LEKR1: variants seen among roughly 807,000 people sequenced by gnomAD.
The protein encoded by LEKR1 is leucine, glutamate and lysine rich 1.
A neutral mutation model predicts 72.4 loss-of-function variants in LEKR1; 59 were observed. That is an observed-to-expected ratio of 0.82 (90% CI 0.66 to 1.01). The LOEUF is 1.01. Among genes scored for constraint, LEKR1 ranks in the 50% least tolerant of loss-of-function variants. The pLI, the probability that LEKR1 is intolerant of heterozygous loss-of-function variation, is 0.00. For synonymous variants in LEKR1, 257 were observed against 263.2 expected (o/e 0.98, Z 0.23); for missense variants, 728 against 759.2 (o/e 0.96, Z 0.48).
chr3:157,029,446 G>A (rs1352283348), intron 12 of LEKR1, among the ~76,000 whole-genome samples: 2 of 152,104 alleles, frequency 1.3e-5, no homozygotes, highest in African/African-American at 2.4e-5. Flanking sequence ...ACAGTTTGGT[G>A]GAGCCAAGAT....
At chr3:156,928,362 T>TG (rs1215521458) in intron 5 of LEKR1, among the ~76,000 whole-genome samples, 14 of 151,980 alleles carry the variant, frequency 9.2e-5, no homozygotes, top group Admixed American at 5.2e-4. Context: ...GTGTCCCTAG[T>TG]GGGGGAGCTT....
intron 12 of LEKR1, among the ~76,000 whole-genome samples, chr3:157,032,230 C>T (rs373657452): frequency 5.3e-5 from 8 of 152,228 alleles, no homozygotes; most frequent in Admixed American, 2.0e-4. Context: ...CCCCCTATTA[C>T]GGACCTTGTT....
intron 11 of LEKR1, among the ~76,000 whole-genome samples, chr3:157,026,359 G>T (rs1463056230): frequency 6.6e-6 from 1 of 152,164 alleles, no homozygotes; most frequent in Non-Finnish European, 1.5e-5. Flanking sequence ...CTTAAGAGAA[G>T]TCATAAATCC....
At chr3:156,938,886 CTCACAGGACTAATA>C (rs1396779549) in intron 5 of LEKR1, among the ~76,000 whole-genome samples, 7 of 152,072 alleles carry the variant, frequency 4.6e-5, no homozygotes, top group Non-Finnish European at 8.8e-5. Context: ...TTTGCCTAAG[CTCACAGGACTAATA>C]ACAAAACAAA....
At chr3:156,908,424 T>C (rs1171648024) in intron 3 of LEKR1, among the ~76,000 whole-genome samples, 9 of 152,200 alleles carry the variant, frequency 5.9e-5, no homozygotes, top group Admixed American at 5.9e-4. Context: ...AGCTGTCTTT[T>C]ATTACTCAAT....
intron 9 of LEKR1, among the ~76,000 whole-genome samples, chr3:157,002,314 C>T (rs16826999): frequency 0.019 from 2,865 of 152,136 alleles, 69 homozygotes; most frequent in East Asian, 0.1. Flanking sequence ...AAAAGTCCTA[C>T]GTGAGTCAGA....
chr3:156,899,311 C>CACGTATATATAT lies in LEKR1; in HGVS notation c.264-21262_264-21261insGTATATATATAC, dbSNP rs1560063243. 6.4e-5 allele frequency among the ~76,000 whole-genome samples: 9 copies of CACGTATATATAT among 140,270 alleles called. 1 individual carries two copies. Among genetic ancestry groups the CACGTATATATAT allele is most frequent in the African/African-American group, 2.4e-4 (9 of 38,068 alleles). 92.0% of individuals were successfully genotyped at this position (140,270 alleles called of 152,430 possible). A position where few individuals can be genotyped will look rare whatever the true frequency, so the allele number is the denominator to read the frequency against. The stretch of plus-strand genomic sequence containing the variant: ...ATGTATATATACATATATACATACA[C>CACGTATATATAT]ACATGTATATATACATATATACATA... On this transcript the variant is annotated intron_variant, in intron 3 of 12. Transcript: ENST00000356539.
chr3:156,837,592 G>A (rs1006330025), intron 2 of LEKR1, among the ~76,000 whole-genome samples: 2 of 152,126 alleles, frequency 1.3e-5, no homozygotes, highest in Non-Finnish European at 2.9e-5. Context: ...TCTATCCTAC[G>A]GTGCCCCTCT....
rs1424227180 is a variant in LEKR1 at position 156,958,251 on chromosome 3, C to T, written c.745+15537C>T. On this transcript the variant is annotated intron_variant, in intron 6 of 12. Coordinates refer to ENST00000356539, the MANE Select transcript of LEKR1 (RefSeq NM_001004316.3). ...TTGTCAAAACATTTAGAAACATGTT[C>T]ACAAGTGTACTTCTTGCTTTATCCA... is the stretch of plus-strand genomic sequence containing the variant. Among the ~76,000 whole-genome samples, 3 of 152,050 alleles carry T rather than the reference C, an allele frequency of 2.0e-5. No homozygotes were observed. In the East Asian group the frequency reaches 5.8e-4, roughly 29 times the overall value.
intron 3 of LEKR1, among the ~76,000 whole-genome samples, chr3:156,901,457 G>C (rs1354694987): frequency 1.3e-5 from 2 of 151,990 alleles, no homozygotes; most frequent in Admixed American, 6.6e-5. Flanking sequence ...TTTTCTAAGT[G>C]CTTAATTATG....
chr3:156,914,528 G>A (rs1047709920), intron 3 of LEKR1, among the ~76,000 whole-genome samples: 3 of 152,108 alleles, frequency 2.0e-5, no homozygotes, highest in Non-Finnish European at 4.4e-5. Flanking sequence ...ATTCCATGGT[G>A]TATATGTGCC....
At chr3:156,962,064 A>G (rs1728178300) in intron 6 of LEKR1, among the ~76,000 whole-genome samples, 1 of 152,208 alleles carries the variant, frequency 6.6e-6, no homozygotes, top group Admixed American at 6.5e-5. Context: ...ATTAGCTGTA[A>G]CAGTAGTCTG....
chr3:156,996,702 TAAGTGTCTATGTC>T (rs1288571641), intron 9 of LEKR1, among the ~76,000 whole-genome samples: 1 of 152,170 alleles, frequency 6.6e-6, no homozygotes, highest in Non-Finnish European at 1.5e-5. Context: ...TCTGTTGGGT[TAAGTGTCTATGTC>T]AAGTGGGTAG....
intron 5 of LEKR1, among the ~76,000 whole-genome samples, chr3:156,935,120 C>T (rs772258151): frequency 4.6e-5 from 7 of 151,976 alleles, no homozygotes; most frequent in Middle Eastern, 3.2e-3. Context: ...TTATCAAACA[C>T]GAAGAAATAG....
At chr3:156,886,576 G>T (rs949278252) in intron 3 of LEKR1, among the ~76,000 whole-genome samples, 6 of 152,238 alleles carry the variant, frequency 3.9e-5, no homozygotes, top group Non-Finnish European at 8.8e-5. Context: ...TACAGTCAGG[G>T]ATGGCTTCAC....
intron 5 of LEKR1, among the ~76,000 whole-genome samples, chr3:156,932,882 T>G (rs1454638867): frequency 6.6e-6 from 1 of 151,748 alleles, no homozygotes; most frequent in East Asian, 1.9e-4. Flanking sequence ...TACAAAAAAT[T>G]AGCCAGGCGT....
intron 10 of LEKR1, among the ~76,000 whole-genome samples, chr3:157,018,777 T>G (rs566163561): frequency 1.2e-3 from 189 of 152,322 alleles, no homozygotes; most frequent in South Asian, 6.4e-3. Context: ...AATACTTCTA[T>G]TATTCTATGT....
intron 7 of LEKR1, among the ~76,000 whole-genome samples, chr3:156,989,151 CT>C (rs1486072971): frequency 1.2e-4 from 19 of 152,080 alleles, no homozygotes; most frequent in Admixed American, 1.2e-3. Context: ...GTTTTGCGAA[CT>C]TTTTGCTTAG....
rs114172124 is a variant in LEKR1, at chr3:156,914,142, C to T, written c.264-6433C>T. On this transcript the variant is annotated intron_variant, in intron 3 of 12. Coordinates refer to ENST00000356539, the MANE Select transcript of LEKR1 (RefSeq NM_001004316.3). ...TTCCCAGTCCATAATTAAATTTTCT[C>T]AATTCTTTAAAAAAATTTTTTACTG... Among the ~76,000 whole-genome samples, 776 of 152,154 alleles carry T rather than the reference C, an allele frequency of 5.1e-3. 8 individuals carry two copies. The highest frequency in any genetic ancestry group is 0.018 in the African/African-American group (748 of 41,526).
Sources: allele counts gnomAD v4.1 joint callset (sites outside exome capture counted in the v4.1 genomes callset), GRCh38; gene constraint gnomAD v4.1.1; transcripts MANE v1.5; gene names NCBI Gene and HGNC (gene_info 2026-07-23, HGNC 2026-07-21).